The following AFF3 variants were observed in gnomAD, a reference collection of about 807,000 sequenced individuals.
The protein encoded by AFF3 is ALF transcription elongation factor 3, also known as AF4/FMR2 family member 3.
A neutral mutation model predicts 129.7 loss-of-function variants in AFF3; 32 were observed. The observed-to-expected ratio is 0.25, with a 90% CI of 0.19 to 0.33. The LOEUF is 0.33. Among genes scored for constraint, AFF3 ranks in the 10% least tolerant of loss-of-function variants. The pLI is 1.00. For synonymous variants in AFF3, 644 were observed against 635.4 expected, an observed-to-expected ratio of 1.01 and a Z score of -0.20; for missense variants, 1,373 against 1,592.0, an observed-to-expected ratio of 0.86 and a Z score of 2.34.
chr2:99,960,191 C>T (rs77580793), intron 7 of AFF3, among the ~76,000 whole-genome samples: 17,287 of 152,080 alleles, frequency 0.11, 1,207 homozygotes, highest in East Asian at 0.17. Flanking sequence ...TTACAATAAA[C>T]GAAATGTGAA....
chr2:99,888,850 T>A (rs886279434), intron 7 of AFF3, among the ~76,000 whole-genome samples: 2 of 152,160 alleles, frequency 1.3e-5, no homozygotes, highest in Non-Finnish European at 2.9e-5. Context: ...AGACACTTAA[T>A]CAATAGCAGT....
chr2:99,620,779 C>T (rs1558655749), intron 13 of AFF3, among the ~76,000 whole-genome samples: 2 of 152,182 alleles, frequency 1.3e-5, no homozygotes, highest in Non-Finnish European at 2.9e-5. Flanking sequence ...GCTTGGTGCC[C>T]TCCCCCAGGT....
At chr2:99,701,874 G>A (rs55740634) in intron 11 of AFF3, among the ~76,000 whole-genome samples, 14,742 of 152,152 alleles carry the variant, frequency 0.097, 755 homozygotes, top group African/African-American at 0.13. Context: ...CGTCTCTATA[G>A]TTATGCTATT....
Position 99,593,902 on chromosome 2 carries a change from G to C in AFF3, c.1759C>G (p.Pro587Ala). ...GAGGTCCTCTCGGTGCGCCTGGTGG[G>C]CTTCTTGCCCGCGGACCTCCGGGCA... ...APARRSAGKK[P>A]TRRTERTSAG... Residue 587 changes from proline (P) to alanine (A), a missense_variant, in exon 15 of 25, where the codon CCC (proline) becomes GCC (alanine). Pro to Ala is a conservative substitution (Grantham distance 27, BLOSUM62 -1). Coordinates refer to ENST00000672756, the MANE Select transcript of AFF3 (RefSeq NM_001386135.1). 1 of 1,463,166 alleles carries C rather than the reference G, an allele frequency of 6.8e-7. No individual in the cohort carries two copies. Among genetic ancestry groups the C allele is most frequent in the Non-Finnish European group, 9.0e-7 (1 of 1,114,252 alleles). 90.6% of individuals were successfully genotyped at this position (1,463,166 alleles called of 1,614,324 possible). A position where few individuals can be genotyped will look rare whatever the true frequency, so the allele number is the denominator to read the frequency against.
Position 99,965,994 on chromosome 2 carries a change from A to T in AFF3, c.873+40638T>A, listed in dbSNP as rs149743098. ...GAGATTTTTATTTTGACTAGCAAAA[A>T]ATTTTGCATTTTTGTTTACTTTAAA... On this transcript the variant is annotated intron_variant, in intron 7 of 24. Coordinates refer to ENST00000672756, the MANE Select transcript of AFF3 (RefSeq NM_001386135.1). Among the ~76,000 whole-genome samples, 393 of 152,336 alleles carry T rather than the reference A, an allele frequency of 2.6e-3. 2 individuals are homozygous for T. Among genetic ancestry groups the T allele is most frequent in the African/African-American group, 9.1e-3 (379 of 41,576 alleles).
chr2:100,066,377 C>A (rs984192365), intron 4 of AFF3, among the ~76,000 whole-genome samples: 7 of 152,096 alleles, frequency 4.6e-5, no homozygotes, highest in African/African-American at 1.4e-4. Context: ...AATGAACGAG[C>A]CAGTGACGAA....
chr2:100,030,191 T>C (rs1684382954), intron 4 of AFF3, among the ~76,000 whole-genome samples: 2 of 152,196 alleles, frequency 1.3e-5, no homozygotes, highest in Non-Finnish European at 2.9e-5. Context: ...TGATACATGT[T>C]GACACATTTC....
At chr2:100,015,172 A>G (rs1168245700) in intron 4 of AFF3, among the ~76,000 whole-genome samples, 2 of 151,830 alleles carry the variant, frequency 1.3e-5, no homozygotes, top group African/African-American at 4.8e-5. Flanking sequence ...CCCACTGCTA[A>G]CCTATCATTG....
At chr2:99,939,408 T>C (rs1674817297) in intron 7 of AFF3, among the ~76,000 whole-genome samples, 1 of 152,236 alleles carries the variant, frequency 6.6e-6, no homozygotes, top group Non-Finnish European at 1.5e-5. Flanking sequence ...TTAACTCAGT[T>C]AATCACATAA....
At chr2:99,934,032 G>A (rs1576377725) in intron 7 of AFF3, among the ~76,000 whole-genome samples, 1 of 152,224 alleles carries the variant, frequency 6.6e-6, no homozygotes, top group African/African-American at 2.4e-5. Context: ...CATCTCTAGG[G>A]CAGCCAGTCA....
At chr2:99,942,619 G>T (rs938102343) in intron 7 of AFF3, among the ~76,000 whole-genome samples, 3 of 151,884 alleles carry the variant, frequency 2.0e-5, no homozygotes, top group Non-Finnish European at 4.4e-5. Context: ...AGAAGGAAGA[G>T]CAAGTAGAAA....
At chr2:100,025,668 C>A (rs1683975784) in intron 4 of AFF3, among the ~76,000 whole-genome samples, 1 of 152,144 alleles carries the variant, frequency 6.6e-6, no homozygotes, top group African/African-American at 2.4e-5. Context: ...GCCGTAGTCA[C>A]CAAAACAGCA....
intron 7 of AFF3, among the ~76,000 whole-genome samples, chr2:99,894,404 A>G (rs1693783416): frequency 1.3e-5 from 2 of 152,110 alleles, no homozygotes; most frequent in Admixed American, 6.5e-5. Context: ...GGAAGGAACC[A>G]GAAGCAGTGT....
chr2:99,565,766 A>T (rs1177704756), intron 19 of AFF3, 143 bp from the exon 20 acceptor site: 3 of 946,116 alleles, frequency 3.2e-6, no homozygotes, highest in Admixed American at 5.6e-5. Flanking sequence ...GAAATAGAAT[A>T]CTTCTTTTCC....
chr2:100,011,057 G>A (rs932737198), intron 4 of AFF3, among the ~76,000 whole-genome samples: 9 of 152,104 alleles, frequency 5.9e-5, no homozygotes, highest in African/African-American at 1.9e-4. Flanking sequence ...GGTGGATCAC[G>A]AGGTCAGGAG....
At chr2:99,799,879 G>C (rs537105531) in intron 8 of AFF3, among the ~76,000 whole-genome samples, 4 of 152,188 alleles carry the variant, frequency 2.6e-5, no homozygotes, top group African/African-American at 9.6e-5. Context: ...AATGGTACTG[G>C]AATAACTGGA....
At chr2:99,998,508 G>A (rs1418348119) in intron 7 of AFF3, among the ~76,000 whole-genome samples, 1 of 152,184 alleles carries the variant, frequency 6.6e-6, no homozygotes, top group Non-Finnish European at 1.5e-5. Context: ...CAGAGGGCCT[G>A]TCTATACCTT....
intron 7 of AFF3, among the ~76,000 whole-genome samples, chr2:99,964,420 TAAC>T (rs1358773158): frequency 6.6e-6 from 1 of 152,158 alleles, no homozygotes; most frequent in Non-Finnish European, 1.5e-5. Context: ...CTCTAGATCA[TAAC>T]AAAATCAAAC....
chr2:99,663,158 T>C (rs1177821257), intron 12 of AFF3, among the ~76,000 whole-genome samples: 1 of 152,234 alleles, frequency 6.6e-6, no homozygotes, highest in East Asian at 1.9e-4. Context: ...CTTTGTGTTA[T>C]GCAATTGTCA....
Sources: allele counts gnomAD v4.1 joint callset (sites outside exome capture counted in the v4.1 genomes callset), GRCh38; gene constraint gnomAD v4.1.1; transcripts MANE v1.5; gene names NCBI Gene and HGNC (gene_info 2026-07-23, HGNC 2026-07-21).